FLCN: variants seen among roughly 807,000 people sequenced by gnomAD.
FLCN encodes folliculin, also known as BHD skin lesion fibrofolliculoma protein.
A neutral mutation model predicts 62.5 loss-of-function variants in FLCN; 22 were observed. The ratio of observed to expected loss-of-function variants is 0.35; its 90% CI spans 0.25 to 0.50. The LOEUF is 0.50. Among genes scored for constraint, FLCN ranks in the 20% least tolerant of loss-of-function variants. The pLI, the probability that FLCN is intolerant of heterozygous loss-of-function variation, is 0.97. For missense variants in FLCN, 657 were observed against 778.0 expected (o/e 0.84, Z 1.85); for synonymous variants, 319 against 310.0 (o/e 1.03, Z -0.30).
At chr17:17,225,826 A>G (rs1160889062) in intron 5 of FLCN, 74 of 377,698 alleles carry the variant, frequency 2.0e-4, no homozygotes, top group Non-Finnish European at 2.1e-5. Flanking sequence ...GGTTGCAGTG[A>G]ACCATGACGG....
chr17:17,233,704 T>C (rs2047491868), intron 1 of FLCN, among the ~76,000 whole-genome samples: 1 of 146,704 alleles, frequency 6.8e-6, no homozygotes, highest in African/African-American at 2.5e-5. Flanking sequence ...AGGCTGCAAG[T>C]TCCCATCTTT....
chr17:17,218,440 A>G (rs565770350), intron 9 of FLCN, among the ~76,000 whole-genome samples: 2 of 143,110 alleles, frequency 1.4e-5, no homozygotes, highest in Admixed American at 1.5e-4. Flanking sequence ...TCTGGAGTGC[A>G]GTGGTGCCAT....
rs2144806585 is a variant in FLCN at position 17,213,689 on chromosome 17, A to G, written c.1706T>C (p.Val569Ala). 1 of 1,614,078 alleles carries G rather than the reference A, an allele frequency of 6.2e-7. No homozygotes were observed. The highest frequency in any genetic ancestry group is 8.5e-7 in the Non-Finnish European group (1 of 1,180,012). Reference protein sequence around the residue: ...KTYKSHLMSTVRSPTASESRN With the variant: ...KTYKSHLMSTARSPTASESRN ...AGACTCCGAGGCTGTGGGGCTGCGG[A>G]CCGTGGACATGAGGTGTGACTTGTA... Residue 569 changes from valine (V) to alanine (A), a missense_variant, in exon 14 of 14, where the codon GTC (valine) becomes GCC (alanine). Coordinates refer to ENST00000285071, the MANE Select transcript of FLCN (RefSeq NM_144997.7).
Position 17,216,552 on chromosome 17 carries a change from C to A in FLCN, c.1177-49G>T, listed in dbSNP as rs760382198. The A allele has an allele frequency of 1.2e-6, 2 of 1,610,002 alleles. No homozygotes were observed. Among genetic ancestry groups the A allele is most frequent in the Admixed American group, 3.3e-5 (2 of 59,824 alleles). ...ACCAAGGACACGAGGAAGCCCTCAG[C>A]CCCGGCCATCCATGCTCTACTACCC... On this transcript the variant is annotated intron_variant, in intron 10 of 13. Coordinates refer to ENST00000285071, the MANE Select transcript of FLCN (RefSeq NM_144997.7). This position sits in a 1 kb window ranked among gnomAD's most constrained non-coding sequence, Gnocchi z 4.0.
intron 13 of FLCN, among the ~76,000 whole-genome samples, chr17:17,214,195 T>G (rs8068606): frequency 0.061 from 9,233 of 152,188 alleles, 922 homozygotes; most frequent in African/African-American, 0.2. Context: ...GCTCCTAAGC[T>G]TCACTGCATG....
Position 17,226,315 on chromosome 17 carries a change from C to T in FLCN, c.257G>A (p.Arg86Gln), listed in dbSNP as rs765550303. 32 of 1,614,010 alleles carry T rather than the reference C, an allele frequency of 2.0e-5. No homozygotes were observed. The highest frequency in any genetic ancestry group is 1.6e-4 in the Middle Eastern group (1 of 6,084). Reference sequence around the variant, plus strand: ...TCCCGGGTGCCCTGCAGCAAGTGACCGGCAGCCCTGTCCATGAAAAGGAAA... The same window carrying T: ...TCCCGGGTGCCCTGCAGCAAGTGACTGGCAGCCCTGTCCATGAAAAGGAAA... ...PKKSDMCEGC[R>Q]SLAAGHPGYI... Residue 86 changes from arginine to glutamine, a missense_variant, in exon 5 of 14, where the codon CGG becomes CAG. By Grantham distance (43) the Arg-to-Gln change is conservative. Transcript: ENST00000285071.
At chr17:17,234,220 T>G (rs1303576616) in intron 1 of FLCN, among the ~76,000 whole-genome samples, 7 of 149,286 alleles carry the variant, frequency 4.7e-5, no homozygotes, top group Non-Finnish European at 1.0e-4. Context: ...TTTGGTTTGT[T>G]TTTTTTTTTG....
intron 7 of FLCN, among the ~76,000 whole-genome samples, chr17:17,222,001 T>G (rs1419338813): frequency 6.6e-6 from 1 of 151,102 alleles, no homozygotes; most frequent in African/African-American, 2.4e-5. Flanking sequence ...GTATTGTGAT[T>G]ATATTTATGG....
At position 17,216,435 on chromosome 17, in the gene FLCN, G is replaced by A. The variant is rs748148728; in HGVS notation, c.1245C>T (p.Cys415=). ...YSSQYEEAYR[C]NFLGLSPHVQ... ...CGTGCGGGCTGAGCCCCAGGAAGTTGCACCGATAGGCCTCCTCGTACTGGC... is the reference window on the plus strand; with the variant it reads ...CGTGCGGGCTGAGCCCCAGGAAGTTACACCGATAGGCCTCCTCGTACTGGC... Residue 415 remains cysteine (C), a synonymous_variant, in exon 11 of 14, where the codon TGC becomes TGT. Coordinates refer to ENST00000285071, the MANE Select transcript of FLCN (RefSeq NM_144997.7). The surrounding 1 kb of genome is among the most constrained non-coding windows in gnomAD (Gnocchi z 4.0). The A allele has an allele frequency of 6.2e-7, 1 of 1,613,848 alleles. No individual in the cohort carries two copies. The highest frequency in any genetic ancestry group is 1.1e-5 in the South Asian group (1 of 91,046).
At chr17:17,222,744 G>A in intron 6 of FLCN, 83 bp from the exon 7 acceptor site, 1 of 1,550,786 alleles carries the variant, frequency 6.4e-7, no homozygotes, top group Non-Finnish European at 8.9e-7. Flanking sequence ...GCCAACTCCA[G>A]GACCTGACTC....
chr17:17,217,498 T>C lies in FLCN; in HGVS notation c.1063-316A>G, dbSNP rs4985752. 0.49 allele frequency: 198,075 copies of C among 402,348 alleles called. 53,125 individuals are homozygous for C. The highest frequency in any genetic ancestry group is 0.66 in the East Asian group (11,605 of 17,658). 24.9% of individuals were successfully genotyped at this position (402,348 alleles called of 1,614,324 possible). On this transcript the variant is annotated intron_variant, in intron 9 of 13. Transcript: ENST00000285071. ...TCACCTTCTCTCTACAGACACTTTC[T>C]GCTGAACCATTTGAAAGCAAGCTGT...
At chr17:17,227,157 C>A (rs547077517) in intron 4 of FLCN, among the ~76,000 whole-genome samples, 1 of 152,324 alleles carries the variant, frequency 6.6e-6, no homozygotes, top group South Asian at 2.1e-4. Context: ...TTCCCGTTTG[C>A]ACTGCAGTGG....
At chr17:17,224,394 G>A (rs969789396) in intron 5 of FLCN, 9 of 550,478 alleles carry the variant, frequency 1.6e-5, no homozygotes, top group Non-Finnish European at 2.9e-5. Context: ...TCCACCTTGA[G>A]CCATAAATAA....
At chr17:17,226,845 A>ACTGCTGCCCCGCTGCCCCG (rs1378428626) in intron 4 of FLCN, among the ~76,000 whole-genome samples, 2 of 152,170 alleles carry the variant, frequency 1.3e-5, no homozygotes, top group Non-Finnish European at 2.9e-5. Flanking sequence ...GCAGCTCACC[A>ACTGCTGCCCCGCTGCCCCG]CTGCTGCCCC....
Position 17,216,959 on chromosome 17 carries a change from G to A in FLCN, c.1176+110C>T, listed in dbSNP as rs1279098702. On this transcript the variant is annotated intron_variant, in intron 10 of 13. Transcript: ENST00000285071. The surrounding 1 kb of genome is among the most constrained non-coding windows in gnomAD (Gnocchi z 4.0). Reference sequence around the variant, plus strand: ...GCGCCCCCAGTGGAGACCGTGTGGTGCACAGCGGTTCTGTGCTGGGCAGTC... The same window carrying A: ...GCGCCCCCAGTGGAGACCGTGTGGTACACAGCGGTTCTGTGCTGGGCAGTC... 4 of 817,328 alleles carry A rather than the reference G, an allele frequency of 4.9e-6. No homozygotes were observed. Among genetic ancestry groups the A allele is most frequent in the Non-Finnish European group, 8.4e-6 (4 of 476,418 alleles). The allele number at this position is 817,328 out of a possible 1,614,324, so 50.6% of individuals were successfully genotyped here.
At chr17:17,219,400 G>A (rs567123792) in intron 8 of FLCN, among the ~76,000 whole-genome samples, 191 bp from the exon 9 acceptor site, 15 of 152,162 alleles carry the variant, frequency 9.9e-5, no homozygotes, top group Admixed American at 7.2e-4. Context: ...TACTTAGCCC[G>A]GGGTACCACA....
At chr17:17,221,203 A>C (rs910376560) in intron 8 of FLCN, 1 of 1,513,264 alleles carries the variant, frequency 6.6e-7, no homozygotes. Context: ...AAAGGAGCAA[A>C]GACCGTCGAC....
At position 17,224,160 on chromosome 17, in the gene FLCN, G is replaced by C; in HGVS notation, c.397-17C>G. On this transcript the variant is annotated splice_polypyrimidine_tract_variant and intron_variant, in intron 5 of 13. Transcript: ENST00000285071. ...AGGGCAGACCTGGAGGGACACCGGC[G>C]ACTCAGACAGCCCTTTCCTCGCTTA... The C allele has an allele frequency of 6.4e-7, 1 of 1,559,186 alleles. No individual in the cohort carries two copies. Among genetic ancestry groups the C allele is most frequent in the Non-Finnish European group, 8.7e-7 (1 of 1,150,092 alleles).
In FLCN at chr17:17,227,995, T is replaced by A. The variant is rs2145045195; in HGVS notation, c.143A>T (p.Glu48Val). The A allele has an allele frequency of 6.2e-7, 1 of 1,614,104 alleles. No individual in the cohort carries two copies. Among genetic ancestry groups the A allele is most frequent in the Non-Finnish European group, 8.5e-7 (1 of 1,180,046 alleles). Residue 48 changes from glutamate (E) to valine (V), a missense_variant, in exon 4 of 14, where the codon GAG becomes GTG. Transcript: ENST00000285071. The stretch of plus-strand genomic sequence containing the variant: ...ACTGTTCATCTGAATGCCACCTTCC[T>A]CTTCTTCCGCCTGCTCACCCTGGCC... ...SPGQGEQAEE[E>V]EGGIQMNSRM...
Sources: allele counts gnomAD v4.1 joint callset (sites outside exome capture counted in the v4.1 genomes callset), GRCh38; gene constraint gnomAD v4.1.1; non-coding constraint Gnocchi (gnomAD v3.1); transcripts MANE v1.5; gene names NCBI Gene and HGNC (gene_info 2026-07-23, HGNC 2026-07-21).